Variants in CRISPLD2 observed in about 807,000 individuals in gnomAD.
CRISPLD2 encodes cysteine-rich secretory protein LCCL domain-containing 2.
A neutral mutation model predicts 71.1 loss-of-function variants in CRISPLD2; 47 were observed. The observed-to-expected ratio is 0.66, with a 90% confidence interval of 0.52 to 0.84. The LOEUF (loss-of-function observed/expected upper bound fraction) is 0.84, where lower values mean the gene tolerates loss of function less well. Among genes scored for constraint, CRISPLD2 ranks in the 40% least tolerant of loss-of-function variants. CRISPLD2 has a pLI of 0.00. For synonymous variants in CRISPLD2, 317 were observed against 250.1 expected (o/e 1.27, Z -2.52); for missense variants, 830 against 651.1 (o/e 1.27, Z -2.99).
intron 7 of CRISPLD2, among the ~76,000 whole-genome samples, chr16:84,867,411 C>A (rs541912783): frequency 6.6e-6 from 1 of 152,280 alleles, no homozygotes; most frequent in South Asian, 2.1e-4. Flanking sequence ...GGTTCCACTC[C>A]TTTCTCACCA....
At chr16:84,866,238 G>GTTTTTTTTTT (rs149109786) in intron 6 of CRISPLD2, among the ~76,000 whole-genome samples, 1 of 148,302 alleles carries the variant, frequency 6.7e-6, no homozygotes, top group African/African-American at 2.5e-5. Flanking sequence ...TTTGTTTTTT[G>GTTTTTTTTTT]GTTTTTTTTT....
chr16:84,829,937 G>T (rs555746305), intron 1 of CRISPLD2, among the ~76,000 whole-genome samples: 1 of 152,322 alleles, frequency 6.6e-6, no homozygotes, highest in South Asian at 2.1e-4. Flanking sequence ...CATTTGCTGG[G>T]GGCATAAAGT....
At position 84,906,574 on chromosome 16, in the gene CRISPLD2, C is replaced by G. The variant is rs771472813; in HGVS notation, c.1440-14C>G. On this transcript the variant is annotated splice_polypyrimidine_tract_variant and intron_variant, in intron 14 of 14. Coordinates refer to ENST00000262424, the MANE Select transcript of CRISPLD2 (RefSeq NM_031476.4). ...GATCTCTCAGTAACGGGCCCTCTTT[C>G]TTCTTTTTTTCAGCCTGGGGACTCC... 6.2e-7 allele frequency: 1 copy of G among 1,612,320 alleles called. No homozygotes were observed. Among genetic ancestry groups the G allele is most frequent in the Non-Finnish European group, 8.5e-7 (1 of 1,179,986 alleles).
intron 1 of CRISPLD2, among the ~76,000 whole-genome samples, chr16:84,830,442 G>A (rs917975647): frequency 2.6e-5 from 4 of 152,100 alleles, no homozygotes; most frequent in Admixed American, 6.5e-5. Context: ...GGTGGCTCAC[G>A]CCTGTAATCT....
At chr16:84,896,107 C>G (rs1272020738) in intron 14 of CRISPLD2, among the ~76,000 whole-genome samples, 1 of 150,142 alleles carries the variant, frequency 6.7e-6, no homozygotes, top group Non-Finnish European at 1.5e-5. Flanking sequence ...GGCGCGATCT[C>G]CACTCACTGC....
chr16:84,857,301 G>A (rs568654971), intron 6 of CRISPLD2, among the ~76,000 whole-genome samples: 27 of 152,198 alleles, frequency 1.8e-4, no homozygotes, highest in Non-Finnish European at 2.8e-4. Flanking sequence ...AGAATGAGTC[G>A]TCCTATGTAC....
chr16:84,848,771 G>C (rs1263420047), intron 3 of CRISPLD2, among the ~76,000 whole-genome samples: 2 of 152,166 alleles, frequency 1.3e-5, no homozygotes, highest in African/African-American at 4.8e-5. Flanking sequence ...ATCAGGTTTT[G>C]TCTTAGACAA....
chr16:84,872,433 C>A lies in CRISPLD2; in HGVS notation c.915-9C>A. 1.2e-6 allele frequency: 2 copies of A among 1,612,130 alleles called. No individual in the cohort carries two copies. The highest frequency in any genetic ancestry group is 1.1e-5 in the South Asian group (1 of 90,894). On this transcript the variant is annotated splice_polypyrimidine_tract_variant and intron_variant, in intron 8 of 14. Transcript: ENST00000262424. ...ATCTCTGAACATCATTTTATTTCTT[C>A]CTCGTCAGGTACCAGTGCCCAGCAG...
chr16:84,825,341 T>C (rs962792165), intron 1 of CRISPLD2, among the ~76,000 whole-genome samples: 4 of 152,144 alleles, frequency 2.6e-5, no homozygotes, highest in African/African-American at 9.7e-5. Context: ...GGCGGGAGGA[T>C]TGCCTGAGCC....
chr16:84,827,446 AT>A (rs1163030873), intron 1 of CRISPLD2, among the ~76,000 whole-genome samples: 3 of 150,578 alleles, frequency 2.0e-5, no homozygotes, highest in Non-Finnish European at 3.0e-5. Context: ...TCCTGACCCC[AT>A]TCCTCCCCAG....
At position 84,877,456 on chromosome 16, in the gene CRISPLD2, A is replaced by G. The variant is rs1244598342; in HGVS notation, c.1175A>G (p.Tyr392Cys). 1.9e-6 allele frequency: 3 copies of G among 1,613,874 alleles called. No individual in the cohort carries two copies. The African/African-American group carries it at 4.0e-5, about 22-fold the overall frequency. ...TTCACAGTGCAGGATTTGGACTGCT[A>G]CACGACCGTTGCTCAGCTGTGCCCG... ...SKVKVQDLDC[Y>C]TTVAQLCPFE... Residue 392 changes from tyrosine to cysteine, a missense_variant, in exon 12 of 15, where the codon TAC (tyrosine) becomes TGC (cysteine). Transcript: ENST00000262424.
intron 12 of CRISPLD2, among the ~76,000 whole-genome samples, chr16:84,878,090 G>A (rs1167640256): frequency 2.0e-5 from 3 of 151,916 alleles, no homozygotes; most frequent in Non-Finnish European, 4.4e-5. Context: ...CGGGCGTGGT[G>A]GCGGGCGCCT....
chr16:84,866,845 T>C lies in CRISPLD2; in HGVS notation c.710-52T>C, dbSNP rs979995344. 7.0e-6 allele frequency: 11 copies of C among 1,565,522 alleles called. No homozygotes were observed. The African/African-American group carries it at 1.5e-4, about 21-fold the overall frequency. On this transcript the variant is annotated intron_variant, in intron 6 of 14. Transcript: ENST00000262424. Reference sequence around the variant, plus strand: ...ATTGCTTTTTTTTCCCCAAAGTGCGTTTTTGTTGAATCCCAGTGTGTTATT... The same window carrying C: ...ATTGCTTTTTTTTCCCCAAAGTGCGCTTTTGTTGAATCCCAGTGTGTTATT...
intron 3 of CRISPLD2, chr16:84,849,125 G>C: frequency 2.1e-6 from 1 of 470,410 alleles, no homozygotes; most frequent in East Asian, 3.7e-5. Flanking sequence ...TTAAGCACCT[G>C]TACCAGGTGC....
In CRISPLD2 at chr16:84,854,824, A is replaced by G; in HGVS notation, c.704A>G (p.Tyr235Cys). 1 of 1,613,486 alleles carries G rather than the reference A, an allele frequency of 6.2e-7. No individual in the cohort carries two copies. The highest frequency in any genetic ancestry group is 2.2e-5 in the East Asian group (1 of 44,880). ...GGCAGCTGCAGGAACAACTTGTGTTACCGAGGTAGGAAATTTACTCCCAAC... is the reference window on the plus strand; with the variant it reads ...GGCAGCTGCAGGAACAACTTGTGTTGCCGAGGTAGGAAATTTACTCCCAAC... The part of the protein sequence containing the change: ...YGGSCRNNLC[Y>C]REETYTPKPE... Residue 235 changes from tyrosine (Y) to cysteine (C), a missense_variant, in exon 6 of 15, where the codon TAC becomes TGC. Tyr to Cys is a radical substitution (Grantham distance 194, BLOSUM62 -2). Coordinates refer to ENST00000262424, the MANE Select transcript of CRISPLD2 (RefSeq NM_031476.4).
Position 84,873,081 on chromosome 16 carries a change from C to T in CRISPLD2, c.1071C>T (p.Pro357=). Residue 357 remains proline (P), a synonymous_variant, in exon 10 of 15, where the codon CCC becomes CCT. Transcript: ENST00000262424. The part of the protein sequence containing the change: ...LVDITRNGKV[P]FFVKSERHGV... ...ATATCACCAGGAACGGGAAGGTCCC[C>T]TTCTTCGTGAAGTCTGAGAGACACG... is the stretch of plus-strand genomic sequence containing the variant. 6.2e-7 allele frequency: 1 copy of T among 1,614,064 alleles called. No homozygotes were observed.
intron 1 of CRISPLD2, among the ~76,000 whole-genome samples, chr16:84,827,679 G>C (rs1916388182): frequency 6.6e-6 from 1 of 150,482 alleles, no homozygotes; most frequent in African/African-American, 2.5e-5. Context: ...CGATTCTCTT[G>C]CCTCAGCCTC....
intron 14 of CRISPLD2, among the ~76,000 whole-genome samples, chr16:84,899,974 G>A (rs1429359096): frequency 6.6e-6 from 1 of 152,094 alleles, no homozygotes; most frequent in Non-Finnish European, 1.5e-5. Context: ...ATATTCACTT[G>A]GACAGAGAAT....
intron 11 of CRISPLD2, among the ~76,000 whole-genome samples, chr16:84,875,100 G>C (rs2071506254): frequency 6.6e-6 from 1 of 152,010 alleles, no homozygotes; most frequent in Admixed American, 6.6e-5. Flanking sequence ...AAATTAGCTG[G>C]GCAGGGTGGC....
Sources: gnomAD v4.1 joint callset for allele counts (sites outside exome capture counted in the v4.1 genomes callset) on GRCh38, gnomAD v4.1.1 for gene constraint, MANE v1.5 for transcripts, NCBI Gene and HGNC (gene_info 2026-07-23, HGNC 2026-07-21) for gene names.